Variants in EPB41L4A observed in about 807,000 individuals in gnomAD.
EPB41L4A encodes band 4.1-like protein 4A.
In EPB41L4A, 100 loss-of-function variants were observed where a neutral mutation model predicts 108.6. The ratio of observed to expected loss-of-function variants is 0.92; its 90% CI spans 0.78 to 1.09. The LOEUF is 1.09. Ranked by LOEUF, EPB41L4A falls within the 50% of genes least tolerant of loss-of-function variation. EPB41L4A has a pLI of 0.00. For synonymous variants in EPB41L4A, 319 were observed against 289.0 expected (o/e 1.10, Z -1.05); for missense variants, 1,030 against 842.7 (o/e 1.22, Z -2.75).
chr5:112,397,083 C>T (rs1761405787), intron 1 of EPB41L4A, among the ~76,000 whole-genome samples: 1 of 152,160 alleles, frequency 6.6e-6, no homozygotes, highest in African/African-American at 2.4e-5. Context: ...GCCTCACCCC[C>T]TTTCTACGCT....
intron 9 of EPB41L4A, among the ~76,000 whole-genome samples, chr5:112,246,857 A>T (rs532085740): frequency 8.5e-5 from 13 of 152,294 alleles, no homozygotes; most frequent in Non-Finnish European, 1.0e-4. Context: ...TCTTACATGA[A>T]AACAGTGTGC....
At chr5:112,272,340 A>G (rs755602564) in intron 4 of EPB41L4A, among the ~76,000 whole-genome samples, 10 of 151,584 alleles carry the variant, frequency 6.6e-5, no homozygotes, top group Non-Finnish European at 1.5e-4. Flanking sequence ...ACGGGGTTTC[A>G]CTGTGTTGGT....
intron 1 of EPB41L4A, among the ~76,000 whole-genome samples, chr5:112,388,818 G>A (rs1333973069): frequency 6.6e-6 from 1 of 152,092 alleles, no homozygotes; most frequent in Admixed American, 6.5e-5. Context: ...TTTCAAAATG[G>A]AAACTTGGTT....
chr5:112,415,894 T>C (rs139112191), intron 1 of EPB41L4A, among the ~76,000 whole-genome samples: 270 of 152,226 alleles, frequency 1.8e-3, no homozygotes, highest in African/African-American at 6.4e-3. Context: ...AAGGTGAGGT[T>C]GCCCCTAAAG....
intron 2 of EPB41L4A, among the ~76,000 whole-genome samples, chr5:112,305,746 T>C (rs927296193): frequency 2.0e-5 from 3 of 152,092 alleles, no homozygotes; most frequent in Admixed American, 2.0e-4. Flanking sequence ...CATTAGAATA[T>C]AACAAAAACA....
At chr5:112,381,412 G>C (rs768325362) in intron 1 of EPB41L4A, among the ~76,000 whole-genome samples, 1 of 152,192 alleles carries the variant, frequency 6.6e-6, no homozygotes, top group Admixed American at 6.5e-5. Flanking sequence ...ATGAGGCTTA[G>C]AAAGGTTAAG....
In EPB41L4A at chr5:112,184,013, T is replaced by C. The variant is rs763010977; in HGVS notation, c.1622+3A>G. The C allele has an allele frequency of 1.9e-6, 3 of 1,614,044 alleles. No individual in the cohort carries two copies. The highest frequency in any genetic ancestry group is 3.3e-5 in the Admixed American group (2 of 60,020). On this transcript the variant is annotated splice_donor_region_variant and intron_variant, in intron 18 of 22. Transcript: ENST00000261486. The stretch of plus-strand genomic sequence containing the variant: ...AATCAAGGTATAAAAAGAGTCCACA[T>C]ACGAACGAGATCTGTGTCTGGATCG...
intron 13 of EPB41L4A, among the ~76,000 whole-genome samples, chr5:112,145,608 G>A (rs1759222424): frequency 6.6e-6 from 1 of 152,142 alleles, no homozygotes; most frequent in Non-Finnish European, 1.5e-5. Context: ...CACATGTAGT[G>A]GCCTTTACAT....
In EPB41L4A at chr5:112,266,223, T is replaced by A; in HGVS notation, c.433+10A>T. On this transcript the variant is annotated intron_variant, in intron 5 of 22. Transcript: ENST00000261486. Reference sequence around the variant, plus strand: ...CATTTCTGAGGCAAATATGCTTAAGTGGCACCTACACTGGATGGCATACGC... The same window carrying A: ...CATTTCTGAGGCAAATATGCTTAAGAGGCACCTACACTGGATGGCATACGC... The A allele has an allele frequency of 6.3e-7, 1 of 1,581,490 alleles. No individual in the cohort carries two copies. The highest frequency in any genetic ancestry group is 8.6e-7 in the Non-Finnish European group (1 of 1,165,296).
chr5:112,238,832 A>G (rs1749556401), intron 11 of EPB41L4A, among the ~76,000 whole-genome samples: 1 of 152,232 alleles, frequency 6.6e-6, no homozygotes, highest in Non-Finnish European at 1.5e-5. Flanking sequence ...GGCTCTCTCC[A>G]TTGAACAGAA....
At chr5:112,401,144 A>C (rs996075646) in intron 1 of EPB41L4A, among the ~76,000 whole-genome samples, 2 of 152,182 alleles carry the variant, frequency 1.3e-5, no homozygotes, top group African/African-American at 4.8e-5. Flanking sequence ...TCTGTCCCCT[A>C]TCTATGAGAG....
chr5:112,231,791 CAAAAAAAAAAA>C (rs777370941), intron 12 of EPB41L4A, among the ~76,000 whole-genome samples: 12 of 37,626 alleles, frequency 3.2e-4, no homozygotes, highest in South Asian at 1.6e-3. Context: ...GACTCCGTCT[CAAAAAAAAAAA>C]AAAAAAAAAA....
rs115549146 is a variant in EPB41L4A, at chr5:112,417,163, G to T, written c.99+1778C>A. The stretch of plus-strand genomic sequence containing the variant: ...TCACTCACCAATTTTCAGCCCATTT[G>T]TAAAACAAGATAAGCACCACTGGAT... On this transcript the variant is annotated intron_variant, in intron 1 of 22. Transcript: ENST00000261486. Among the ~76,000 whole-genome samples the T allele has an allele frequency of 4.3e-3, 654 of 152,314 alleles. 3 individuals are homozygous for T. Among genetic ancestry groups the T allele is most frequent in the African/African-American group, 0.014 (598 of 41,574 alleles).
intron 1 of EPB41L4A, among the ~76,000 whole-genome samples, chr5:112,322,451 G>A (rs1755843944): frequency 1.3e-5 from 2 of 152,172 alleles, no homozygotes; most frequent in South Asian, 4.1e-4. Context: ...CTGTGTCAGA[G>A]CTAAAGGACC....
At chr5:112,347,146 A>G (rs1560061) in intron 1 of EPB41L4A, among the ~76,000 whole-genome samples, 31,432 of 152,178 alleles carry the variant, frequency 0.21, 3,507 homozygotes, top group Non-Finnish European at 0.23. Flanking sequence ...GCTAACCACA[A>G]AAGTGGGCTA....
At chr5:112,388,951 TAA>T (rs1760745266) in intron 1 of EPB41L4A, among the ~76,000 whole-genome samples, 1 of 152,104 alleles carries the variant, frequency 6.6e-6, no homozygotes, top group Non-Finnish European at 1.5e-5. Context: ...AATACACACT[TAA>T]GAGTAAATTA....
chr5:112,205,322 G>A lies in EPB41L4A; in HGVS notation c.1262+99C>T, dbSNP rs559466561. 357 of 1,007,032 alleles carry A rather than the reference G, an allele frequency of 3.5e-4. 1 individual carries two copies. In the African/African-American group the frequency reaches 5.0e-3, roughly 14 times the overall value. 62.4% of individuals were successfully genotyped at this position (1,007,032 alleles called of 1,614,324 possible). ...CTGCCCACTTTATCCACAGCTAGCT[G>A]TGATCAGCCACCCAGCAGCTGGATT... is the stretch of plus-strand genomic sequence containing the variant. On this transcript the variant is annotated intron_variant, in intron 14 of 22. Transcript: ENST00000261486.
chr5:112,262,905 T>C (rs944813176), intron 6 of EPB41L4A, among the ~76,000 whole-genome samples: 5 of 152,094 alleles, frequency 3.3e-5, no homozygotes, highest in African/African-American at 1.2e-4. Flanking sequence ...TTAAACACCA[T>C]CCCCTTCACA....
intron 12 of EPB41L4A, among the ~76,000 whole-genome samples, chr5:112,222,942 GT>G (rs11399684): frequency 1.3e-4 from 18 of 140,160 alleles, no homozygotes; most frequent in African/African-American, 1.8e-4. Context: ...AGTGAAACTA[GT>G]TTTTTTTTTT....
Sources: allele counts gnomAD v4.1 joint callset (sites outside exome capture counted in the v4.1 genomes callset), GRCh38; gene constraint gnomAD v4.1.1; transcripts MANE v1.5; gene names NCBI Gene and HGNC (gene_info 2026-07-23, HGNC 2026-07-21).